Variants in ZDHHC23 observed in about 807,000 individuals in gnomAD.
The protein encoded by ZDHHC23 is zDHHC palmitoyltransferase 23.
A neutral mutation model predicts 40.2 loss-of-function variants in ZDHHC23; 41 were observed. That is an observed-to-expected ratio of 1.02 (90% confidence interval 0.79 to 1.32). The LOEUF (loss-of-function observed/expected upper bound fraction) is 1.32. Ranked by LOEUF, ZDHHC23 falls within the 40% of genes most tolerant of loss-of-function variation. The pLI is 0.00. For synonymous variants in ZDHHC23, 204 were observed against 210.2 expected (o/e 0.97, Z 0.26); for missense variants, 471 against 541.5 (o/e 0.87, Z 1.29).
the ZDHHC23 span, chr3:113,979,090 G>T: frequency 7.6e-7 from 1 of 1,324,378 alleles, no homozygotes; most frequent in Non-Finnish European, 1.1e-6. Flanking sequence ...TGGAAATGAT[G>T]CTATAAAACA....
Position 113,953,727 on chromosome 3 carries a change from A to G in ZDHHC23, c.189A>G (p.Pro63=), listed in dbSNP as rs146082788. The part of the protein sequence containing the change: ...DRWITCKSLQ[P]ETCERIMDTI... ...GGATTACATGTAAATCTTTACAGCC[A>G]GAGACTTGTGAAAGAATCATGGATA... Residue 63 remains proline, a synonymous_variant, in exon 3 of 5, where the codon CCA becomes CCG. Coordinates refer to ENST00000638807, the MANE Select transcript of ZDHHC23 (RefSeq NM_001320466.2). The G allele has an allele frequency of 1.8e-4, 298 of 1,614,058 alleles. 1 individual carries two copies. Among genetic ancestry groups the G allele is most frequent in the Non-Finnish European group, 2.4e-4 (282 of 1,179,956 alleles).
At chr3:113,969,758 G>A (rs1205136688), downstream of ZDHHC23, among the ~76,000 whole-genome samples, 1 of 152,164 alleles carries the variant, frequency 6.6e-6, no homozygotes, top group Non-Finnish European at 1.5e-5. Context: ...TAGCTTTGTA[G>A]TAAATTTTGA....
At position 113,956,367 on chromosome 3, in the gene ZDHHC23, C is replaced by A. The variant is rs375910476; in HGVS notation, c.901C>A (p.His301Asn). The change falls in exon 4 of 5, where the codon CAT (histidine) becomes AAT (asparagine). Residue 301 changes from histidine to asparagine, a missense_variant. By Grantham distance (68) the His-to-Asn change is moderately conservative (BLOSUM62 1). This residue lies in a region of ZDHHC23 where 346 missense variants were observed against 399.8 expected (regional missense o/e 0.87). Transcript: ENST00000638807. ...WINSCVGESN[H>N]QAFILALLIF... ...AAATAGCTGCGTTGGAGAATCAAAT[C>A]ATCAAGCATTTATACTTGCCCTTTT... 1.9e-6 allele frequency: 3 copies of A among 1,614,090 alleles called. No homozygotes were observed. Among genetic ancestry groups the A allele is most frequent in the Non-Finnish European group, 2.5e-6 (3 of 1,180,008 alleles).
In ZDHHC23 at chr3:113,960,188, C is replaced by A; in HGVS notation, c.*1558C>A. 1.0e-6 allele frequency: 1 copy of A among 990,876 alleles called. No homozygotes were observed. Among genetic ancestry groups the A allele is most frequent in the Non-Finnish European group, 1.2e-6 (1 of 833,186 alleles). 61.4% of individuals were successfully genotyped at this position (990,876 alleles called of 1,614,324 possible). The stretch of plus-strand genomic sequence containing the variant: ...GGAAATATTGCTACTTCCTGCACTT[C>A]CACCCTCTGCAGCCAGCACCGTCCC... On this transcript the variant is annotated 3_prime_UTR_variant, in exon 5 of 5. Transcript: ENST00000638807.
Position 113,954,052 on chromosome 3 carries a change from G to A in ZDHHC23, c.514G>A (p.Ala172Thr), listed in dbSNP as rs1938937325. 1 of 1,614,028 alleles carries A rather than the reference G, an allele frequency of 6.2e-7. No individual in the cohort carries two copies. Among genetic ancestry groups the A allele is most frequent in the Admixed American group, 1.7e-5 (1 of 59,996 alleles). The change falls in exon 3 of 5, where the codon GCG becomes ACG. Residue 172 changes from alanine to threonine, a missense_variant. Around this residue, in one of 3 missense-constraint regions of ZDHHC23, gnomAD observed 346 missense variants for 399.8 expected, o/e 0.87. Coordinates refer to ENST00000638807, the MANE Select transcript of ZDHHC23 (RefSeq NM_001320466.2). Reference protein sequence around the residue: ...PKGRVGPVQLAVLTCGLFLIL... With the variant: ...PKGRVGPVQLTVLTCGLFLIL... ...AGGGCGTGTGGGTCCCGTTCAGCTG[G>A]CGGTTCTTACCTGCGGGTTATTTCT...
At chr3:113,964,150 C>A (rs1939884246), downstream of ZDHHC23, 2 of 152,122 alleles carry the variant, frequency 1.3e-5, no homozygotes, top group Non-Finnish European at 2.9e-5. Context: ...ACTTAAAAAA[C>A]CACAGAATTT....
At chr3:113,955,572 T>G (rs1318672162) in intron 3 of ZDHHC23, among the ~76,000 whole-genome samples, 1 of 152,214 alleles carries the variant, frequency 6.6e-6, no homozygotes, top group Non-Finnish European at 1.5e-5. Context: ...TATCAAGTTG[T>G]TCTTCCCCCT....
Position 113,959,553 on chromosome 3 carries a change from G to C in ZDHHC23, c.*923G>C. ...GCTAGCACACTTGTGACTGTGGCTG[G>C]AAGAGGAGAACAGACACTCCTGTGG... On this transcript the variant is annotated 3_prime_UTR_variant, in exon 5 of 5. Coordinates refer to ENST00000638807, the MANE Select transcript of ZDHHC23 (RefSeq NM_001320466.2). 1 of 1,267,474 alleles carries C rather than the reference G, an allele frequency of 7.9e-7. No individual in the cohort carries two copies. The highest frequency in any genetic ancestry group is 1.0e-6 in the Non-Finnish European group (1 of 971,552). The allele number at this position is 1,267,474 out of a possible 1,614,324, so 78.5% of individuals were successfully genotyped here.
chr3:113,978,432 C>T, the ZDHHC23 span: 2 of 1,184,532 alleles, frequency 1.7e-6, no homozygotes, highest in Non-Finnish European at 2.4e-6. Context: ...ACAAAAGAAA[C>T]AAATGACACT....
At chr3:113,966,155 T>C (rs948434275), downstream of ZDHHC23, among the ~76,000 whole-genome samples, 1 of 152,130 alleles carries the variant, frequency 6.6e-6, no homozygotes, top group African/African-American at 2.4e-5. Flanking sequence ...CGTAGACATA[T>C]TTTAAAAGCC....
At chr3:113,978,497 G>A in the ZDHHC23 span, 7 of 689,102 alleles carry the variant, frequency 1.0e-5, no homozygotes, top group Non-Finnish European at 1.7e-5. Context: ...CCTCTATAAT[G>A]TATCCTAAAA....
chr3:113,974,811 G>A, the ZDHHC23 span, among the ~76,000 whole-genome samples: 3 of 152,072 alleles, frequency 2.0e-5, no homozygotes, highest in African/African-American at 7.2e-5. Flanking sequence ...GCACTAGATG[G>A]TGCTTTAATC....
chr3:113,958,712 A>C lies in ZDHHC23; in HGVS notation c.*82A>C, dbSNP rs764128843. ...ATTTTACACTTCAGTGTCCATTTCT[A>C]TCCCCAGTTTCTTAAAGGCATTATA... On this transcript the variant is annotated 3_prime_UTR_variant, in exon 5 of 5. Transcript: ENST00000638807. 6.3e-7 allele frequency: 1 copy of C among 1,591,038 alleles called. No individual in the cohort carries two copies. Among genetic ancestry groups the C allele is most frequent in the Non-Finnish European group, 8.5e-7 (1 of 1,175,934 alleles).
downstream of ZDHHC23, among the ~76,000 whole-genome samples, chr3:113,970,242 T>G (rs1271053216): frequency 6.6e-6 from 1 of 151,952 alleles, no homozygotes; most frequent in Non-Finnish European, 1.5e-5. Flanking sequence ...GATCTAACAG[T>G]TTTTTTTGGT....
downstream of ZDHHC23, among the ~76,000 whole-genome samples, chr3:113,966,931 T>G (rs1380238698): frequency 6.6e-6 from 1 of 151,924 alleles, no homozygotes; most frequent in Non-Finnish European, 1.5e-5. Context: ...AAACCCCATC[T>G]CTACTAAAAA....
At chr3:113,954,514 C>G in intron 3 of ZDHHC23, 104 bp downstream of exon 3, 2 of 1,059,200 alleles carry the variant, frequency 1.9e-6, no homozygotes, top group Non-Finnish European at 1.3e-6. Context: ...TCCTTCCCAG[C>G]TTTACACCTT....
Position 113,948,732 on chromosome 3 carries a change from G to A in ZDHHC23, c.-71G>A. On this transcript the variant is annotated 5_prime_UTR_variant, in exon 2 of 5. Transcript: ENST00000638807. The stretch of plus-strand genomic sequence containing the variant: ...GAGAGAGGCGTGGACCTATTTACGA[G>A]ATGTAAGTTGTGTTCTTTCCACCTT... The A allele has an allele frequency of 1.3e-6, 2 of 1,577,212 alleles. No individual in the cohort carries two copies. The highest frequency in any genetic ancestry group is 1.7e-6 in the Non-Finnish European group (2 of 1,151,556).
Position 113,960,858 on chromosome 3 carries a change from C to T in ZDHHC23, c.*2228C>T, listed in dbSNP as rs905975156. 5.0e-6 allele frequency: 7 copies of T among 1,412,094 alleles called. No individual in the cohort carries two copies. The highest frequency in any genetic ancestry group is 1.5e-5 in the African/African-American group (1 of 66,788). The allele number at this position is 1,412,094 out of a possible 1,614,324, so 87.5% of individuals were successfully genotyped here. A position where few individuals can be genotyped will look rare whatever the true frequency, so the allele number is the denominator to read the frequency against. On this transcript the variant is annotated 3_prime_UTR_variant, in exon 5 of 5. Transcript: ENST00000638807. ...ATGGACAGTTGACAGAATGCTTAAACCTGTCAAAAGATGAGTGATCTTGTG... is the reference window on the plus strand; with the variant it reads ...ATGGACAGTTGACAGAATGCTTAAATCTGTCAAAAGATGAGTGATCTTGTG...
Position 113,948,769 on chromosome 3 carries a change from G to A in ZDHHC23, c.-34G>A. Reference sequence around the variant, plus strand: ...GTTCTTTCCACCTTTACCTTCTGAGGGCTTCTTACGCCTCATGGTGACAGG... The same window carrying A: ...GTTCTTTCCACCTTTACCTTCTGAGAGCTTCTTACGCCTCATGGTGACAGG... On this transcript the variant is annotated 5_prime_UTR_variant, in exon 2 of 5. Transcript: ENST00000638807. 1.9e-6 allele frequency: 3 copies of A among 1,613,214 alleles called. No individual in the cohort carries two copies. The highest frequency in any genetic ancestry group is 2.5e-6 in the Non-Finnish European group (3 of 1,179,644).
Sources: allele counts gnomAD v4.1 joint callset (sites outside exome capture counted in the v4.1 genomes callset), GRCh38; gene constraint gnomAD v4.1.1; regional missense constraint gnomAD v4.1.1; transcripts MANE v1.5; gene names NCBI Gene and HGNC (gene_info 2026-07-23, HGNC 2026-07-21).